POFUT1: variants seen among roughly 807,000 people sequenced by gnomAD.
POFUT1 encodes the protein GDP-fucose protein O-fucosyltransferase 1.
In POFUT1, 16 loss-of-function variants were observed where a neutral mutation model predicts 42.4. That is an observed-to-expected ratio of 0.38 (90% confidence interval 0.26 to 0.57). The LOEUF (loss-of-function observed/expected upper bound fraction) is 0.57, where lower values mean the gene tolerates loss of function less well. Ranked by LOEUF, POFUT1 falls within the 20% of genes least tolerant of loss-of-function variation. The probability of loss-of-function intolerance (pLI) is 0.71; values close to 1 mark genes in which losing one functional copy is unlikely to be tolerated. For synonymous variants in POFUT1, 206 were observed against 205.4 expected, an observed-to-expected ratio of 1.00 and a Z score of -0.03; for missense variants, 470 against 504.6, an observed-to-expected ratio of 0.93 and a Z score of 0.66.
intron 6 of POFUT1, 64 bp from the exon 7 acceptor site, chr20:32,234,409 G>T (rs1274505828): frequency 2.9e-6 from 4 of 1,400,308 alleles, no homozygotes; most frequent in African/African-American, 2.9e-5. Flanking sequence ...AAGGTTGGGG[G>T]TGTGGATGGC....
chr20:32,210,302 C>G lies in POFUT1; in HGVS notation c.246+110C>G, dbSNP rs930489048. 3.6e-6 allele frequency: 4 copies of G among 1,108,566 alleles called. No individual in the cohort carries two copies. The East Asian group carries it at 9.4e-5, about 26-fold the overall frequency. The allele number at this position is 1,108,566 out of a possible 1,614,324, so 68.7% of individuals were successfully genotyped here. ...TTACCTCCCACTCCTCTGAGATTTC[C>G]CTACCTCCAGCCAGAACTGTCTTCA... On this transcript the variant is annotated intron_variant, in intron 2 of 6. Transcript: ENST00000375749.
rs2047440845 is a variant in POFUT1 at position 32,231,004 on chromosome 20, C to T, written c.921C>T (p.Tyr307=). The T allele has an allele frequency of 2.5e-6, 4 of 1,614,054 alleles. No individual in the cohort carries two copies. The highest frequency in any genetic ancestry group is 2.7e-5 in the African/African-American group (2 of 74,920). The part of the protein sequence containing the change: ...WVRSLDAQSV[Y]VATDSESYVP... ...GGTCGCTGGATGCCCAGTCGGTCTA[C>T]GTTGCTACTGATTCCGAGAGTTATG... is the stretch of plus-strand genomic sequence containing the variant. Residue 307 remains tyrosine (Y), a synonymous_variant, in exon 6 of 7, where the codon TAC becomes TAT. Transcript: ENST00000375749.
rs2047461011 is a variant in POFUT1, at chr20:32,234,711, G to A, written c.*50G>A. On this transcript the variant is annotated 3_prime_UTR_variant, in exon 7 of 7. Transcript: ENST00000375749. ...TGATCCTGGAGGGACCAGAGTCTGA[G>A]CTGGTCCTTCCAGCCAGGCCTGGCA... The A allele has an allele frequency of 2.0e-6, 3 of 1,483,244 alleles. No individual in the cohort carries two copies. The highest frequency in any genetic ancestry group is 2.2e-5 in the Admixed American group (1 of 46,234). The allele number at this position is 1,483,244 out of a possible 1,614,324, so 91.9% of individuals were successfully genotyped here.
chr20:32,230,518 A>C (rs913674564), intron 5 of POFUT1, among the ~76,000 whole-genome samples: 4 of 151,332 alleles, frequency 2.6e-5, no homozygotes, highest in Admixed American at 6.6e-5. Flanking sequence ...AACATGGCAA[A>C]ACTCCATCTC....
rs73903580 is a variant in POFUT1 at position 32,227,695 on chromosome 20, G to A, written c.543-568G>A. ...CAGGGGCTTGGGAGGGCATGATAGG[G>A]GCACCTGCAGACCCCTGCTCCCTTC... On this transcript the variant is annotated intron_variant, in intron 4 of 6. Coordinates refer to ENST00000375749, the MANE Select transcript of POFUT1 (RefSeq NM_015352.2). 2.2e-3 allele frequency among the ~76,000 whole-genome samples: 336 copies of A among 152,268 alleles called. 2 individuals carry two copies. The highest frequency in any genetic ancestry group is 7.3e-3 in the African/African-American group (305 of 41,544).
At chr20:32,212,488 A>G (rs1312487135) in intron 2 of POFUT1, among the ~76,000 whole-genome samples, 1 of 150,036 alleles carries the variant, frequency 6.7e-6, no homozygotes, top group Admixed American at 6.7e-5. Flanking sequence ...CTGGTCTCAA[A>G]CTCCTGAGTC....
At chr20:32,227,648 T>G (rs1289615669) in intron 4 of POFUT1, among the ~76,000 whole-genome samples, 1 of 152,190 alleles carries the variant, frequency 6.6e-6, no homozygotes, top group African/African-American at 2.4e-5. Context: ...AATTATGAGA[T>G]GGACTGTGTA....
intron 2 of POFUT1, among the ~76,000 whole-genome samples, chr20:32,212,897 T>C (rs1166539405): frequency 1.3e-5 from 2 of 151,754 alleles, no homozygotes; most frequent in African/African-American, 4.8e-5. Context: ...TTTTTTTTTT[T>C]TTCCAAGACG....
intron 1 of POFUT1, among the ~76,000 whole-genome samples, chr20:32,208,601 G>A (rs1321406110): frequency 7.1e-6 from 1 of 140,866 alleles, no homozygotes; most frequent in Non-Finnish European, 1.5e-5. Flanking sequence ...ATCACTTGAA[G>A]CCAGGAGCTC....
At chr20:32,213,064 T>A (rs918606829) in intron 2 of POFUT1, among the ~76,000 whole-genome samples, 1 of 152,082 alleles carries the variant, frequency 6.6e-6, no homozygotes. Context: ...TTTTGTATTT[T>A]TAGTAGAGAT....
At chr20:32,221,360 T>C (rs1279267793) in intron 4 of POFUT1, among the ~76,000 whole-genome samples, 1 of 152,082 alleles carries the variant, frequency 6.6e-6, no homozygotes, top group Admixed American at 6.5e-5. Flanking sequence ...CAATGTCCCA[T>C]CTATAAAATG....
At chr20:32,211,254 ATGT>A (rs2047326515) in intron 2 of POFUT1, among the ~76,000 whole-genome samples, 1 of 150,328 alleles carries the variant, frequency 6.7e-6, no homozygotes, top group South Asian at 2.1e-4. Flanking sequence ...GAAACCATTG[ATGT>A]TCTGATAATT....
chr20:32,217,446 T>C (rs1282431564), intron 4 of POFUT1: 1 of 1,006,022 alleles, frequency 9.9e-7, no homozygotes, highest in Admixed American at 5.4e-5. Flanking sequence ...TGGCATTTAA[T>C]AGGGCAAAGG....
At chr20:32,222,774 G>A (rs764878608) in intron 4 of POFUT1, 52 of 985,330 alleles carry the variant, frequency 5.3e-5, no homozygotes, top group Non-Finnish European at 5.4e-5. Context: ...TAATTCAGCT[G>A]ACGCTTACTG....
Position 32,235,171 on chromosome 20 carries a change from T to A in POFUT1, c.*510T>A, listed in dbSNP as rs889567909. The A allele has an allele frequency of 6.5e-6, 1 of 153,706 alleles. No homozygotes were observed. Among genetic ancestry groups the A allele is most frequent in the African/African-American group, 2.4e-5 (1 of 41,474 alleles). The allele number at this position is 153,706 out of a possible 1,614,324, so 9.5% of individuals were successfully genotyped here. A position where few individuals can be genotyped will look rare whatever the true frequency, so the allele number is the denominator to read the frequency against. The stretch of plus-strand genomic sequence containing the variant: ...GGCTGCTTTTCAAGGTGTCCCCCAA[T>A]GTGGCCCTCAAGAGCCATCCCCACT... On this transcript the variant is annotated 3_prime_UTR_variant, in exon 7 of 7. Transcript: ENST00000375749.
intron 2 of POFUT1, among the ~76,000 whole-genome samples, chr20:32,210,614 A>G (rs920697993): frequency 1.3e-5 from 2 of 152,172 alleles, no homozygotes; most frequent in African/African-American, 4.8e-5. Context: ...GCTATTATCA[A>G]TTTTAAAGGA....
intron 4 of POFUT1, chr20:32,217,095 A>G (rs766580903): frequency 4.5e-5 from 73 of 1,608,462 alleles, no homozygotes; most frequent in Non-Finnish European, 6.1e-5. Flanking sequence ...GCAGACCGAG[A>G]AATGACGTCA....
rs1442284952 is a variant in POFUT1 at position 32,234,636 on chromosome 20, C to G, written c.1142C>G (p.Pro381Arg). Residue 381 changes from proline (P) to arginine (R), a missense_variant, in exon 7 of 7, where the codon CCC (proline) becomes CGC (arginine). Pro to Arg is a moderately radical substitution (Grantham distance 103). Coordinates refer to ENST00000375749, the MANE Select transcript of POFUT1 (RefSeq NM_015352.2). The stretch of plus-strand genomic sequence containing the variant: ...TCTTCTTTCTTCGGCATGGACAGGC[C>G]CCCTAAGCTGCGGGACGAGTTCTGA... ...RPSSFFGMDR[P>R]PKLRDEF 5.0e-6 allele frequency: 8 copies of G among 1,611,502 alleles called. No homozygotes were observed. Among genetic ancestry groups the G allele is most frequent in the Non-Finnish European group, 6.8e-6 (8 of 1,178,680 alleles).
At chr20:32,231,274 C>A (rs1569162370) in intron 6 of POFUT1, 1 of 569,630 alleles carries the variant, frequency 1.8e-6, no homozygotes. Flanking sequence ...GCTCACGTAT[C>A]CCTGCTGGGA....
Sources: gnomAD v4.1 joint callset for allele counts (sites outside exome capture counted in the v4.1 genomes callset) on GRCh38, gnomAD v4.1.1 for gene constraint, MANE v1.5 for transcripts, NCBI Gene and HGNC (gene_info 2026-07-23, HGNC 2026-07-21) for gene names.